The following MSH4 variants were observed in gnomAD, a reference collection of about 807,000 sequenced individuals.
MSH4 encodes mutS protein homolog 4.
A neutral mutation model predicts 113.7 loss-of-function variants in MSH4; 106 were observed. The ratio of observed to expected loss-of-function variants is 0.93; its 90% CI spans 0.80 to 1.10. The LOEUF (loss-of-function observed/expected upper bound fraction) is 1.10. Among genes scored for constraint, MSH4 ranks in the 50% least tolerant of loss-of-function variants. The pLI, the probability that MSH4 is intolerant of heterozygous loss-of-function variation, is 0.00. For missense variants in MSH4, 1,061 were observed against 1,093.7 expected, an observed-to-expected ratio of 0.97 and a Z score of 0.42; for synonymous variants, 368 against 380.2, an observed-to-expected ratio of 0.97 and a Z score of 0.37.
chr1:75,807,809 G>T (rs984889858), intron 3 of MSH4, among the ~76,000 whole-genome samples: 39 of 152,232 alleles, frequency 2.6e-4, no homozygotes, highest in South Asian at 1.4e-3. Flanking sequence ...GAGGAGATGA[G>T]TGGGTGAGTC....
At chr1:75,821,879 G>C (rs1650422071) in intron 6 of MSH4, among the ~76,000 whole-genome samples, 1 of 152,142 alleles carries the variant, frequency 6.6e-6, no homozygotes, top group South Asian at 2.1e-4. Context: ...GAGTGTTGTT[G>C]AGATTATAGG....
chr1:75,807,852 G>C (rs1427125071), intron 3 of MSH4, among the ~76,000 whole-genome samples: 1 of 152,118 alleles, frequency 6.6e-6, no homozygotes, highest in Non-Finnish European at 1.5e-5. Context: ...TCTGCCCTTA[G>C]TGTTGGTGGG....
At chr1:75,824,007 G>A (rs1650488946) in intron 7 of MSH4, among the ~76,000 whole-genome samples, 1 of 152,028 alleles carries the variant, frequency 6.6e-6, no homozygotes, top group East Asian at 1.9e-4. Context: ...TGGGATTGCT[G>A]GGTCAAATGA....
chr1:75,866,970 T>A (rs889891071), intron 8 of MSH4, among the ~76,000 whole-genome samples: 1 of 152,244 alleles, frequency 6.6e-6, no homozygotes, highest in South Asian at 2.1e-4. Flanking sequence ...AATTCTAGAG[T>A]GCAATTTAAT....
intron 8 of MSH4, among the ~76,000 whole-genome samples, chr1:75,854,456 G>C (rs889675125): frequency 6.6e-6 from 1 of 152,064 alleles, no homozygotes; most frequent in Non-Finnish European, 1.5e-5. Context: ...CAAAACCTGT[G>C]TCAGGGTTTC....
rs1652199564 is a variant in MSH4 at position 75,889,317 on chromosome 1, CTGA to C, written c.2182_2184del (p.Asp728del). 2 of 1,540,136 alleles carry C rather than the reference CTGA, an allele frequency of 1.3e-6. No homozygotes were observed. Among genetic ancestry groups the C allele is most frequent in the South Asian group, 1.2e-5 (1 of 83,634 alleles). On this transcript the variant is annotated inframe_deletion, in exon 16 of 20. Transcript: ENST00000263187. Reference sequence around the variant, plus strand: ...AAACAGATTTTTACAAGAATTAGTACTGATGATGATATCGAAACAAATTCATCA... The same window carrying C: ...AAACAGATTTTTACAAGAATTAGTACTGATGATATCGAAACAAATTCATCA...
chr1:75,798,559 C>T (rs1420026130), intron 1 of MSH4, among the ~76,000 whole-genome samples: 5 of 137,658 alleles, frequency 3.6e-5, no homozygotes, highest in African/African-American at 2.7e-5. Context: ...CCTCTCTGCA[C>T]TTTTTTTTTT....
chr1:75,855,604 T>A (rs1651298534), intron 8 of MSH4, among the ~76,000 whole-genome samples: 1 of 152,176 alleles, frequency 6.6e-6, no homozygotes, highest in African/African-American at 2.4e-5. Context: ...TCCCTGTGTT[T>A]CCACGTGTTC....
chr1:75,802,744 G>C (rs138239945), intron 1 of MSH4, among the ~76,000 whole-genome samples: 12 of 152,270 alleles, frequency 7.9e-5, no homozygotes, highest in Non-Finnish European at 1.2e-4. Flanking sequence ...TCTGTATTCT[G>C]TTGCTTTTAA....
At chr1:75,841,945 A>T (rs1650968359) in intron 7 of MSH4, among the ~76,000 whole-genome samples, 1 of 152,166 alleles carries the variant, frequency 6.6e-6, no homozygotes, top group Admixed American at 6.5e-5. Flanking sequence ...ATTTGAAGAG[A>T]TTTATTTTGA....
intron 19 of MSH4, among the ~76,000 whole-genome samples, chr1:75,901,761 T>A (rs1489218955): frequency 2.0e-5 from 3 of 152,142 alleles, no homozygotes; most frequent in Non-Finnish European, 1.5e-5. Flanking sequence ...CAATACTAAT[T>A]TACATTCCCA....
intron 9 of MSH4, among the ~76,000 whole-genome samples, chr1:75,872,385 A>G (rs1480305022): frequency 6.6e-6 from 1 of 152,238 alleles, no homozygotes; most frequent in African/African-American, 2.4e-5. Flanking sequence ...AGTAACAGTG[A>G]TAAGAAAAAG....
chr1:75,848,265 A>C lies in MSH4; in HGVS notation c.1219A>C (p.Lys407Gln). 2 of 1,601,800 alleles carry C rather than the reference A, an allele frequency of 1.2e-6. No homozygotes were observed. The highest frequency in any genetic ancestry group is 1.7e-6 in the Non-Finnish European group (2 of 1,169,872). Residue 407 changes from lysine (K) to glutamine (Q), a missense_variant, in exon 8 of 20, where the codon AAG (lysine) becomes CAG (glutamine). Transcript: ENST00000263187. ...QLLSVLVQIP[K>Q]QDTVNAAESK... ...TCTTTCTGTTTTAGTCCAAATTCCAAAGCAAGACACGGTATGTTTTTGTAT... is the reference window on the plus strand; with the variant it reads ...TCTTTCTGTTTTAGTCCAAATTCCACAGCAAGACACGGTATGTTTTTGTAT...
chr1:75,829,055 C>T (rs1650622394), intron 7 of MSH4, among the ~76,000 whole-genome samples: 1 of 152,182 alleles, frequency 6.6e-6, no homozygotes. Context: ...CCATGACAGA[C>T]AGTACCTGGA....
rs764907914 is a variant in MSH4 at position 75,880,072 on chromosome 1, A to G, written c.1700A>G (p.Tyr567Cys). 6.3e-7 allele frequency: 1 copy of G among 1,589,558 alleles called. No homozygotes were observed. The highest frequency in any genetic ancestry group is 8.6e-7 in the Non-Finnish European group (1 of 1,165,214). ...CAGATTTCTAAAGTGAAAAATTCTT[A>G]CAGCTTTACATCAGCAGATTTAATT... ...FIKISKVKNS[Y>C]SFTSADLIKM... Residue 567 changes from tyrosine to cysteine, a missense_variant, in exon 13 of 20, where the codon TAC becomes TGC. Coordinates refer to ENST00000263187, the MANE Select transcript of MSH4 (RefSeq NM_002440.4).
chr1:75,826,588 G>A (rs1334910880), intron 7 of MSH4, among the ~76,000 whole-genome samples: 5 of 152,134 alleles, frequency 3.3e-5, no homozygotes, highest in Non-Finnish European at 7.4e-5. Flanking sequence ...ACTCTCTGAT[G>A]TGGGCATTTA....
rs766049777 is a variant in MSH4 at position 75,879,140 on chromosome 1, A to C, written c.1677+12A>C. 5.6e-6 allele frequency: 9 copies of C among 1,605,320 alleles called. No individual in the cohort carries two copies. In the East Asian group the frequency reaches 1.8e-4, roughly 32 times the overall value. On this transcript the variant is annotated intron_variant, in intron 12 of 19. Coordinates refer to ENST00000263187, the MANE Select transcript of MSH4 (RefSeq NM_002440.4). Reference sequence around the variant, plus strand: ...CAGAATTTATTAAGGTTCATTTTAGAGTGGTTAGGAAATTAGTGTTTCTGA... The same window carrying C: ...CAGAATTTATTAAGGTTCATTTTAGCGTGGTTAGGAAATTAGTGTTTCTGA...
chr1:75,799,709 T>C (rs994897178), intron 1 of MSH4, among the ~76,000 whole-genome samples: 2 of 152,186 alleles, frequency 1.3e-5, no homozygotes, highest in Non-Finnish European at 2.9e-5. Context: ...AATGTAGATA[T>C]AGTTGTGAGA....
At chr1:75,912,445 T>C (rs1652806645) in intron 19 of MSH4, among the ~76,000 whole-genome samples, 1 of 152,154 alleles carries the variant, frequency 6.6e-6, no homozygotes, top group South Asian at 2.1e-4. Context: ...AAAAGTGATT[T>C]CAAGAACATA....
Sources: allele counts gnomAD v4.1 joint callset (sites outside exome capture counted in the v4.1 genomes callset), GRCh38; gene constraint gnomAD v4.1.1; transcripts MANE v1.5; gene names NCBI Gene and HGNC (gene_info 2026-07-23, HGNC 2026-07-21).